TMC3: variants seen among roughly 807,000 people sequenced by gnomAD.
TMC3 encodes transmembrane channel like 3.
A neutral mutation model predicts 110.6 loss-of-function variants in TMC3; 98 were observed. The ratio of observed to expected loss-of-function variants is 0.89; its 90% CI spans 0.75 to 1.05. The LOEUF (loss-of-function observed/expected upper bound fraction) is 1.05, where lower values mean the gene tolerates loss of function less well. Among genes scored for constraint, TMC3 ranks in the 50% least tolerant of loss-of-function variants. The probability of loss-of-function intolerance (pLI) is 0.00; values close to 1 mark genes in which losing one functional copy is unlikely to be tolerated. For synonymous variants in TMC3, 489 were observed against 513.1 expected, an observed-to-expected ratio of 0.95 and a Z score of 0.63; for missense variants, 1,319 against 1,373.2, an observed-to-expected ratio of 0.96 and a Z score of 0.62.
intron 9 of TMC3, among the ~76,000 whole-genome samples, chr15:81,355,107 C>G (rs555647029): frequency 6.6e-6 from 1 of 152,298 alleles, no homozygotes; most frequent in East Asian, 1.9e-4. Flanking sequence ...GGTGTGTTTC[C>G]TTAATTCCCC....
intron 14 of TMC3, 54 bp from the exon 15 acceptor site, chr15:81,343,399 A>T: frequency 8.1e-7 from 1 of 1,239,764 alleles, no homozygotes; most frequent in South Asian, 1.2e-5. Flanking sequence ...TCTTTGCATG[A>T]ACCAATTAAT....
intron 2 of TMC3, 86 bp downstream of exon 2, chr15:81,372,505 C>G: frequency 1.3e-6 from 2 of 1,550,906 alleles, no homozygotes. Flanking sequence ...TCACATGAGT[C>G]TTTATCCTCG....
intron 1 of TMC3, 104 bp from the exon 2 acceptor site, chr15:81,372,841 C>G (rs1894466751): frequency 8.6e-7 from 1 of 1,166,746 alleles, no homozygotes; most frequent in East Asian, 2.6e-5. Flanking sequence ...GCCCTAGGGT[C>G]ATCTGTATGA....
intron 12 of TMC3, among the ~76,000 whole-genome samples, chr15:81,346,063 C>G (rs1330827030): frequency 6.6e-6 from 1 of 152,128 alleles, no homozygotes; most frequent in Non-Finnish European, 1.5e-5. Context: ...TGTTGATAGC[C>G]TTTTCCTGAT....
Position 81,346,356 on chromosome 15 carries a change from G to A in TMC3, c.1272+9C>T, listed in dbSNP as rs749726728. On this transcript the variant is annotated intron_variant, in intron 12 of 21. Coordinates refer to ENST00000359440, the MANE Select transcript of TMC3 (RefSeq NM_001080532.3). The stretch of plus-strand genomic sequence containing the variant: ...GTGGGGCAGGCAACTATCTGGGATG[G>A]GCACTCACCTCAATGCTCATGCTGT... 2 of 1,612,936 alleles carry A rather than the reference G, an allele frequency of 1.2e-6. No individual in the cohort carries two copies. The highest frequency in any genetic ancestry group is 2.2e-5 in the South Asian group (2 of 90,818).
chr15:81,341,164 G>A (rs1893705886), intron 16 of TMC3, among the ~76,000 whole-genome samples: 1 of 151,924 alleles, frequency 6.6e-6, no homozygotes, highest in East Asian at 1.9e-4. Context: ...ATTAAACTTC[G>A]GCAAAACGTT....
chr15:81,345,650 G>A (rs775294005), intron 12 of TMC3, among the ~76,000 whole-genome samples: 3 of 152,046 alleles, frequency 2.0e-5, no homozygotes, highest in Non-Finnish European at 4.4e-5. Flanking sequence ...CAGGGGAATC[G>A]CTTGAGCCCA....
Position 81,338,702 on chromosome 15 carries a change from T to C in TMC3, c.2034A>G (p.Gly678=). ...GGATGACCACGGGGCTACTGATGTG[T>C]CCAACCACGGAGCCAAACCACACAG... ...DFPVWFGSVV[G]HISSPVVILP... is the part of the protein sequence containing the mutation. Residue 678 remains glycine (G), a synonymous_variant, in exon 18 of 22, where the codon GGA becomes GGG. Transcript: ENST00000359440. 6.2e-7 allele frequency: 1 copy of C among 1,614,026 alleles called. No homozygotes were observed. The highest frequency in any genetic ancestry group is 8.5e-7 in the Non-Finnish European group (1 of 1,179,886).
intron 9 of TMC3, among the ~76,000 whole-genome samples, chr15:81,353,255 C>CA (rs1027259209): frequency 7.3e-6 from 1 of 136,506 alleles, no homozygotes; most frequent in Non-Finnish European, 1.6e-5. Context: ...TTACAAGAGT[C>CA]AAACAGTTTT....
intron 4 of TMC3, 102 bp from the exon 5 acceptor site, chr15:81,359,573 T>C (rs1894143682): frequency 1.3e-6 from 1 of 741,162 alleles, no homozygotes; most frequent in Admixed American, 3.2e-5. Context: ...CCACGGGACA[T>C]AGAGTAAGAA....
intron 4 of TMC3, 124 bp downstream of exon 4, chr15:81,362,096 G>T: frequency 1.3e-6 from 1 of 745,500 alleles, no homozygotes; most frequent in Non-Finnish European, 2.2e-6. Context: ...GGAGGCCAGT[G>T]ACTCTGCTAT....
At chr15:81,345,562 G>A (rs1263645041) in intron 12 of TMC3, among the ~76,000 whole-genome samples, 1 of 152,142 alleles carries the variant, frequency 6.6e-6, no homozygotes, top group Admixed American at 6.5e-5. Flanking sequence ...ATCCTTATAG[G>A]TGGGGCAGGT....
rs11636318 is a variant in TMC3, at chr15:81,333,044, C to T, written c.2678G>A (p.Cys893Tyr). The change falls in exon 22 of 22, where the codon TGT (cysteine) becomes TAT (tyrosine). Residue 893 changes from cysteine (C) to tyrosine (Y), a missense_variant. Transcript: ENST00000359440. ...HAPRYYVINE[C>Y]DSYKKKHLNV... ...TAGATGTTTTTTCTTGTAAGAGTCA[C>T]ATTCATTAATGACATAGTATCTGGG... The T allele has an allele frequency of 0.72, 1,161,428 of 1,613,678 alleles. 432,634 individuals carry two copies. Among genetic ancestry groups the T allele is most frequent in the Non-Finnish European group, 0.78 (919,765 of 1,179,818 alleles).
rs1893788004 is a variant in TMC3 at position 81,344,749 on chromosome 15, A to G, written c.1518+17T>C. On this transcript the variant is annotated intron_variant, in intron 13 of 21. Transcript: ENST00000359440. ...GAGATGGATATGACAGAGCTTTGTA[A>G]GGGTAAAGAGAACCACCTGACCAAC... 3 of 1,611,966 alleles carry G rather than the reference A, an allele frequency of 1.9e-6. No individual in the cohort carries two copies. The highest frequency in any genetic ancestry group is 2.5e-6 in the Non-Finnish European group (3 of 1,178,998).
chr15:81,354,296 G>A (rs79281871), intron 9 of TMC3, among the ~76,000 whole-genome samples: 1 of 152,200 alleles, frequency 6.6e-6, no homozygotes, highest in East Asian at 1.9e-4. Flanking sequence ...TGGAGGTCCT[G>A]GAGTGGAGCA....
Position 81,334,830 on chromosome 15 carries a change from C to T in TMC3, c.2349G>A (p.Arg783=), listed in dbSNP as rs775545448. 3.7e-6 allele frequency: 6 copies of T among 1,614,004 alleles called. No individual in the cohort carries two copies. The highest frequency in any genetic ancestry group is 1.1e-5 in the South Asian group (1 of 91,084). The change falls in exon 21 of 22, where the codon AGG becomes AGA. Residue 783 remains arginine, a synonymous_variant. Coordinates refer to ENST00000359440, the MANE Select transcript of TMC3 (RefSeq NM_001080532.3). Reference sequence around the variant, plus strand: ...GCATGGACTGTGCGACTGTCTCTATCCTGCCACTCTTGCTGCTCCCTGAGT... The same window carrying T: ...GCATGGACTGTGCGACTGTCTCTATTCTGCCACTCTTGCTGCTCCCTGAGT... The part of the protein sequence containing the change: ...HFDSGSSKSG[R]IETVAQSMPQ...
chr15:81,332,274 C>T lies in TMC3; in HGVS notation c.*145G>A. Reference sequence around the variant, plus strand: ...TAGGTATCTGTAGCCCTGTCAGCCTCAGGGCCTCAGCTAGCAGCCGCTGAC... The same window carrying T: ...TAGGTATCTGTAGCCCTGTCAGCCTTAGGGCCTCAGCTAGCAGCCGCTGAC... On this transcript the variant is annotated 3_prime_UTR_variant, in exon 22 of 22. Transcript: ENST00000359440. The T allele has an allele frequency of 1.6e-6, 2 of 1,237,462 alleles. No individual in the cohort carries two copies. Among genetic ancestry groups the T allele is most frequent in the African/African-American group, 1.5e-5 (1 of 65,838 alleles). 76.7% of individuals were successfully genotyped at this position (1,237,462 alleles called of 1,614,324 possible). A position where few individuals can be genotyped will look rare whatever the true frequency, so the allele number is the denominator to read the frequency against.
chr15:81,343,745 C>CA (rs377587040), intron 14 of TMC3, among the ~76,000 whole-genome samples, 172 bp downstream of exon 14: 1,791 of 117,702 alleles, frequency 0.015, 12 homozygotes, highest in South Asian at 0.021. Flanking sequence ...AAAAAACAGA[C>CA]AAAAAAAAAA....
chr15:81,360,117 T>C (rs1006816179), intron 4 of TMC3, among the ~76,000 whole-genome samples: 2 of 151,808 alleles, frequency 1.3e-5, no homozygotes, highest in Admixed American at 6.6e-5. Flanking sequence ...AAAAAAAAAC[T>C]CTTAAATTTT....
Sources: gnomAD v4.1 joint callset for allele counts (sites outside exome capture counted in the v4.1 genomes callset) on GRCh38, gnomAD v4.1.1 for gene constraint, MANE v1.5 for transcripts, NCBI Gene and HGNC (gene_info 2026-07-23, HGNC 2026-07-21) for gene names.